SAMD3: variants seen among roughly 807,000 people sequenced by gnomAD.
The protein encoded by SAMD3 is sterile alpha motif domain containing 3.
Under a neutral mutation model 58.5 loss-of-function variants are expected in SAMD3, and 63 were observed. That is an observed-to-expected ratio of 1.08 (90% CI 0.88 to 1.33). SAMD3 has a LOEUF of 1.33. Among genes scored for constraint, SAMD3 ranks in the 40% most tolerant of loss-of-function variants. The pLI, the probability that SAMD3 is intolerant of heterozygous loss-of-function variation, is 0.00. For missense variants in SAMD3, 604 were observed against 608.4 expected (o/e 0.99, Z 0.08); for synonymous variants, 220 against 210.3 (o/e 1.05, Z -0.40).
intron 2 of SAMD3, among the ~76,000 whole-genome samples, chr6:130,263,308 C>T (rs1047236689): frequency 2.6e-5 from 4 of 152,158 alleles, no homozygotes; most frequent in Non-Finnish European, 2.9e-5. Context: ...ACTTTCCTTT[C>T]CCTCAAAAAC....
At chr6:130,239,433 T>A (rs1040587738) in intron 2 of SAMD3, among the ~76,000 whole-genome samples, 6 of 152,150 alleles carry the variant, frequency 3.9e-5, no homozygotes, top group African/African-American at 1.4e-4. Context: ...ACAAATAAAT[T>A]TTTAATATTA....
At chr6:130,200,780 G>A (rs1457970980) in intron 5 of SAMD3, among the ~76,000 whole-genome samples, 1 of 152,074 alleles carries the variant, frequency 6.6e-6, no homozygotes, top group Non-Finnish European at 1.5e-5. Context: ...AGGTGGTGGT[G>A]TTATTGAACT....
In SAMD3 at chr6:130,329,043, CCTCT is replaced by C. The variant is rs10679349; in HGVS notation, c.-303-15954_-303-15951del. On this transcript the variant is annotated intron_variant, in intron 1 of 13. Transcript: ENST00000368134. The stretch of plus-strand genomic sequence containing the variant: ...GTGTAGACCAATATCTCTCTCTCTC[CCTCT>C]CTCTCTCTCTCTCTCTCTTATCTAT... Among the ~76,000 whole-genome samples the C allele has an allele frequency of 8.2e-4, 121 of 147,006 alleles. No individual in the cohort carries two copies. In the Middle Eastern group the frequency reaches 0.01, roughly 13 times the overall value.
chr6:130,293,987 G>A (rs182608258), intron 2 of SAMD3, among the ~76,000 whole-genome samples: 37 of 152,250 alleles, frequency 2.4e-4, no homozygotes, highest in South Asian at 1.2e-3. Context: ...CTGACCAGAA[G>A]AGGGCAGACA....
intron 1 of SAMD3, among the ~76,000 whole-genome samples, chr6:130,332,394 A>C (rs1333060509): frequency 1.3e-5 from 2 of 152,098 alleles, no homozygotes; most frequent in Non-Finnish European, 2.9e-5. Context: ...TTTGGAGCAA[A>C]AGGGAGGGGT....
downstream of SAMD3, chr6:130,143,748 A>ACC (rs1472586781): frequency 3.3e-5 from 5 of 152,198 alleles, no homozygotes; most frequent in African/African-American, 1.2e-4. Context: ...TATAGTTCTT[A>ACC]CCTTGTGAAA....
chr6:130,237,601 G>A (rs1461000402), intron 2 of SAMD3, among the ~76,000 whole-genome samples: 1 of 151,946 alleles, frequency 6.6e-6, no homozygotes, highest in African/African-American at 2.4e-5. Flanking sequence ...TTGATTGCTG[G>A]ATACTTCAAA....
rs185635241 is a variant in SAMD3 at position 130,253,611 on chromosome 6, T to C, written c.-187-30798A>G. Among the ~76,000 whole-genome samples, 69 of 152,276 alleles carry C rather than the reference T, an allele frequency of 4.5e-4. 1 individual carries two copies. In the East Asian group the frequency reaches 0.013, roughly 28 times the overall value. On this transcript the variant is annotated intron_variant, in intron 2 of 13. Transcript: ENST00000368134. Reference sequence around the variant, plus strand: ...TCAACAATGCTATATTTATAGAATATAAGATTTTAAATATGTGTTATATGT... The same window carrying C: ...TCAACAATGCTATATTTATAGAATACAAGATTTTAAATATGTGTTATATGT...
In SAMD3 at chr6:130,145,405, TGG is replaced by T. The variant is rs1377283386; in HGVS notation, c.1211_1212del (p.Ala404AspfsTer12). ...EDMLKYMKMT[A>X]TCLLLPDVFG... The stretch of plus-strand genomic sequence containing the variant: ...AAAACATCTGGGAGGAGTAAACATG[TGG>T]CTGTCATCTTCATGTCTGTCAAAGC... On this transcript the variant is annotated frameshift_variant, in exon 11 of 12. Coordinates refer to ENST00000439090, the MANE Select transcript of SAMD3 (RefSeq NM_001017373.4). LOFTEE classifies it high-confidence loss of function. 2 of 1,611,080 alleles carry T rather than the reference TGG, an allele frequency of 1.2e-6. No individual in the cohort carries two copies. Among genetic ancestry groups the T allele is most frequent in the Non-Finnish European group, 1.7e-6 (2 of 1,177,936 alleles).
intron 1 of SAMD3, among the ~76,000 whole-genome samples, chr6:130,363,090 A>G (rs899586329): frequency 2.0e-4 from 31 of 152,218 alleles, no homozygotes; most frequent in African/African-American, 7.2e-4. Context: ...GGCTGCTAGC[A>G]GAAATACTAC....
At chr6:130,151,261 T>G (rs373986438) in intron 9 of SAMD3, among the ~76,000 whole-genome samples, 223 of 8,986 alleles carry the variant, frequency 0.025, no homozygotes, top group African/African-American at 0.026. Context: ...GCACATCTTA[T>G]GTCTTTCCGT....
chr6:130,174,925 C>G (rs1791586089), intron 8 of SAMD3, among the ~76,000 whole-genome samples: 1 of 152,242 alleles, frequency 6.6e-6, no homozygotes, highest in South Asian at 2.1e-4. Context: ...TAAAATATTC[C>G]TATCCTATGG....
chr6:130,287,085 T>C lies in SAMD3; in HGVS notation c.-188+25893A>G, dbSNP rs545511901. On this transcript the variant is annotated intron_variant, in intron 2 of 13. Transcript: ENST00000368134. Reference sequence around the variant, plus strand: ...AGAATTACTTTGGATGCCACATTTCTTACCTATCGTTTTGCTTGGCTCCAG... The same window carrying C: ...AGAATTACTTTGGATGCCACATTTCCTACCTATCGTTTTGCTTGGCTCCAG... 1.0e-3 allele frequency among the ~76,000 whole-genome samples: 155 copies of C among 152,336 alleles called. 1 individual carries two copies. The highest frequency in any genetic ancestry group is 3.5e-3 in the African/African-American group (146 of 41,574).
chr6:130,274,575 G>A (rs1389048022), intron 2 of SAMD3, among the ~76,000 whole-genome samples: 2 of 152,014 alleles, frequency 1.3e-5, no homozygotes, highest in Non-Finnish European at 2.9e-5. Context: ...ACATATTTTG[G>A]GCCAAAGAGA....
At chr6:130,252,880 C>T (rs1283215739) in intron 2 of SAMD3, among the ~76,000 whole-genome samples, 1 of 152,166 alleles carries the variant, frequency 6.6e-6, no homozygotes, top group Non-Finnish European at 1.5e-5. Context: ...ATCTGCTCTC[C>T]TGAAGAATCT....
chr6:130,267,413 A>G (rs1336416518), intron 2 of SAMD3, among the ~76,000 whole-genome samples: 2 of 152,230 alleles, frequency 1.3e-5, no homozygotes, highest in Admixed American at 1.3e-4. Flanking sequence ...CATATGAATC[A>G]TTATCAATCT....
At chr6:130,216,867 C>G (rs573923689) in intron 1 of SAMD3, among the ~76,000 whole-genome samples, 1 of 152,150 alleles carries the variant, frequency 6.6e-6, no homozygotes, top group Non-Finnish European at 1.5e-5. Context: ...TTCTATCACA[C>G]TTCTGGCTTC....
intron 2 of SAMD3, among the ~76,000 whole-genome samples, chr6:130,228,533 C>T (rs1272141977): frequency 1.3e-5 from 2 of 152,134 alleles, no homozygotes; most frequent in Admixed American, 1.3e-4. Flanking sequence ...CATATCTGTC[C>T]AATTACATGA....
intron 2 of SAMD3, among the ~76,000 whole-genome samples, chr6:130,247,694 C>A (rs1773598809): frequency 6.6e-6 from 1 of 152,056 alleles, no homozygotes; most frequent in Non-Finnish European, 1.5e-5. Flanking sequence ...TTCATCCTGT[C>A]TTTATTGTCT....
Sources: allele counts gnomAD v4.1 joint callset (sites outside exome capture counted in the v4.1 genomes callset), GRCh38; gene constraint gnomAD v4.1.1; transcripts MANE v1.5; gene names NCBI Gene and HGNC (gene_info 2026-07-23, HGNC 2026-07-21).